Variants in COL11A1 observed in about 807,000 individuals in gnomAD.
The protein encoded by COL11A1 is collagen alpha-1(XI) chain.
In COL11A1, 74 loss-of-function variants were observed where a neutral mutation model predicts 265.2. That is an observed-to-expected ratio of 0.28 (90% CI 0.23 to 0.34). The LOEUF (loss-of-function observed/expected upper bound fraction) is 0.34. Ranked by LOEUF, COL11A1 falls within the 10% of genes least tolerant of loss-of-function variation. The pLI is 1.00. For synonymous variants in COL11A1, 816 were observed against 727.6 expected (o/e 1.12, Z -1.96); for missense variants, 2,165 against 2,263.6 (o/e 0.96, Z 0.88).
chr1:103,051,224 C>T (rs556199568), intron 4 of COL11A1, among the ~76,000 whole-genome samples: 1 of 152,220 alleles, frequency 6.6e-6, no homozygotes, highest in African/African-American at 2.4e-5. Flanking sequence ...GGCAGGCAGG[C>T]CTCCTTGAGC....
intron 33 of COL11A1, 43 bp from the exon 34 acceptor site, chr1:102,978,956 A>G (rs1169919905): frequency 6.2e-7 from 1 of 1,612,618 alleles, no homozygotes; most frequent in African/African-American, 1.3e-5. Context: ...AATGCCAGAC[A>G]AATCCAAAGA....
rs184644289 is a variant in COL11A1 at position 103,013,081 on chromosome 1, C to A, written c.1573-612G>T. ...TTAGCATACTTGAAAAGCTGAAACA[C>A]ATACAGTACAAAAGATAAAAATTTG... is the stretch of plus-strand genomic sequence containing the variant. On this transcript the variant is annotated intron_variant, in intron 13 of 66. Coordinates refer to ENST00000370096, the MANE Select transcript of COL11A1 (RefSeq NM_001854.4). Among the ~76,000 whole-genome samples the A allele has an allele frequency of 2.6e-3, 396 of 152,150 alleles. 5 individuals are homozygous for A. Among genetic ancestry groups the A allele is most frequent in the African/African-American group, 9.2e-3 (381 of 41,544 alleles).
Position 102,879,838 on chromosome 1 carries a change from G to A in COL11A1, c.5119C>T (p.Arg1707Trp), listed in dbSNP as rs757608461. ...TGACAGTGGTAGGTGAAATTTTGCCGAGCAGAGGCAGTCAGAAGTTTCAGG... is the reference window on the plus strand; with the variant it reads ...TGACAGTGGTAGGTGAAATTTTGCCAAGCAGAGGCAGTCAGAAGTTTCAGG... ...TFLKLLTASA[R>W]QNFTYHCHQS... is the part of the protein sequence containing the mutation. Residue 1707 changes from arginine to tryptophan, a missense_variant, in exon 66 of 67, where the codon CGG becomes TGG. By Grantham distance (101) the Arg-to-Trp change is moderately radical (BLOSUM62 -3). Coordinates refer to ENST00000370096, the MANE Select transcript of COL11A1 (RefSeq NM_001854.4). 6.8e-5 allele frequency: 109 copies of A among 1,613,822 alleles called. No homozygotes were observed. In the East Asian group the frequency reaches 2.0e-3, roughly 29 times the overall value.
intron 57 of COL11A1, among the ~76,000 whole-genome samples, chr1:102,891,273 T>C (rs930813909): frequency 6.6e-6 from 1 of 152,246 alleles, no homozygotes; most frequent in East Asian, 1.9e-4. Flanking sequence ...TCATGACTAT[T>C]AATTTCTCTA....
At chr1:102,949,040 C>G (rs541506211) in intron 41 of COL11A1, among the ~76,000 whole-genome samples, 7 of 151,704 alleles carry the variant, frequency 4.6e-5, no homozygotes, top group African/African-American at 1.7e-4. Flanking sequence ...GAGAGGAATG[C>G]AAAGGTGTCC....
intron 62 of COL11A1, among the ~76,000 whole-genome samples, chr1:102,887,412 G>T (rs1651130858): frequency 6.6e-6 from 1 of 151,944 alleles, no homozygotes; most frequent in Non-Finnish European, 1.5e-5. Context: ...AGTCTCTGAG[G>T]ATTAGAACAG....
rs763640741 is a variant in COL11A1, at chr1:102,946,976, G to A, written c.3169-20C>T. ...TGAGCCCTAGTATACAGGAAAAGAA[G>A]TATTTTGTTATTAAAGAAAGTAATA... On this transcript the variant is annotated intron_variant, in intron 41 of 66. Transcript: ENST00000370096. The A allele has an allele frequency of 1.9e-6, 3 of 1,587,200 alleles. No individual in the cohort carries two copies. The highest frequency in any genetic ancestry group is 1.3e-5 in the African/African-American group (1 of 74,486).
intron 54 of COL11A1, among the ~76,000 whole-genome samples, chr1:102,911,396 T>C (rs1654661830): frequency 6.6e-6 from 1 of 152,112 alleles, no homozygotes; most frequent in African/African-American, 2.4e-5. Flanking sequence ...GTGGCCCCAA[T>C]TGCCCTGTGA....
At chr1:103,025,433 TTA>T in intron 7 of COL11A1, 86 bp downstream of exon 7, 1 of 928,460 alleles carries the variant, frequency 1.1e-6, no homozygotes, top group Non-Finnish European at 1.8e-6. Context: ...GTTTGAGAAA[TTA>T]TAGATTCTTC....
At chr1:102,980,566 C>G (rs1289561785) in intron 31 of COL11A1, among the ~76,000 whole-genome samples, 1 of 152,084 alleles carries the variant, frequency 6.6e-6, no homozygotes, top group Non-Finnish European at 1.5e-5. Flanking sequence ...TGTCTAGCCT[C>G]TGTGAGAATA....
chr1:103,077,773 A>T (rs1180147709), intron 3 of COL11A1, among the ~76,000 whole-genome samples: 2 of 152,100 alleles, frequency 1.3e-5, no homozygotes, highest in Admixed American at 1.3e-4. Flanking sequence ...ATAATTCAGA[A>T]TTCGACATGA....
At chr1:103,035,702 A>G (rs1241045562) in intron 4 of COL11A1, among the ~76,000 whole-genome samples, 6 of 152,178 alleles carry the variant, frequency 3.9e-5, no homozygotes, top group Non-Finnish European at 2.9e-5. Flanking sequence ...GAAAATATTC[A>G]TCTAGACAAC....
chr1:103,004,593 G>T lies in COL11A1; in HGVS notation c.1899+15C>A, dbSNP rs773601435. On this transcript the variant is annotated intron_variant, in intron 19 of 66. Transcript: ENST00000370096. ...TAATTTTAAATATTTCTTAAGAAAA[G>T]AAGTATTAACATACCCTCATTCCAT... 1.9e-6 allele frequency: 3 copies of T among 1,602,488 alleles called. No homozygotes were observed. Among genetic ancestry groups the T allele is most frequent in the Non-Finnish European group, 1.7e-6 (2 of 1,173,180 alleles).
intron 30 of COL11A1, among the ~76,000 whole-genome samples, chr1:102,984,595 G>C (rs1404463978): frequency 2.0e-5 from 3 of 151,940 alleles, no homozygotes; most frequent in Non-Finnish European, 4.4e-5. Flanking sequence ...CCTTCAACCA[G>C]AGTAAATCTT....
intron 9 of COL11A1, among the ~76,000 whole-genome samples, chr1:103,021,416 T>C (rs566995722): frequency 6.6e-6 from 1 of 152,208 alleles, no homozygotes; most frequent in South Asian, 2.1e-4. Flanking sequence ...CTCAGGAAAA[T>C]TACTTAAGTC....
At chr1:103,053,194 T>C (rs1669968941) in intron 4 of COL11A1, among the ~76,000 whole-genome samples, 1 of 152,212 alleles carries the variant, frequency 6.6e-6, no homozygotes. Context: ...GCATCCTATA[T>C]AAACTGTGGT....
At chr1:102,932,005 T>G in intron 46 of COL11A1, among the ~76,000 whole-genome samples, 1 of 150,510 alleles carries the variant, frequency 6.6e-6, no homozygotes, top group South Asian at 2.2e-4. Flanking sequence ...TGAGATGGGT[T>G]TCCTGAATAC....
intron 5 of COL11A1, 106 bp from the exon 6 acceptor site, chr1:103,026,438 A>G (rs1667526146): frequency 1.3e-6 from 1 of 782,300 alleles, no homozygotes; most frequent in Non-Finnish European, 2.3e-6. Context: ...TTAAGAGATA[A>G]GAAATTAATG....
At position 102,923,308 on chromosome 1, in the gene COL11A1, C is replaced by T. The variant is rs376601110; in HGVS notation, c.3654+28G>A. 161 of 1,581,496 alleles carry T rather than the reference C, an allele frequency of 1.0e-4. 2 individuals are homozygous for T. The South Asian group carries it at 1.7e-3, about 16-fold the overall frequency. ...TGACTGCCATGCATATAACACATAC[C>T]CATCAAACACCAAAAATAAAAACTT... On this transcript the variant is annotated intron_variant, in intron 47 of 66. Coordinates refer to ENST00000370096, the MANE Select transcript of COL11A1 (RefSeq NM_001854.4).
Sources: allele counts gnomAD v4.1 joint callset (sites outside exome capture counted in the v4.1 genomes callset), GRCh38; gene constraint gnomAD v4.1.1; transcripts MANE v1.5; gene names NCBI Gene and HGNC (gene_info 2026-07-23, HGNC 2026-07-21).